The following WDFY4 variants were observed in gnomAD, a reference collection of about 807,000 sequenced individuals.
WDFY4 encodes WDFY family member 4, also known as WD repeat- and FYVE domain-containing protein 4.
Under a neutral mutation model 351.9 loss-of-function variants are expected in WDFY4, and 169 were observed. That is an observed-to-expected ratio of 0.48 (90% CI 0.42 to 0.55). The LOEUF (loss-of-function observed/expected upper bound fraction) is 0.55, where lower values mean the gene tolerates loss of function less well. WDFY4 is among the 20% of genes least tolerant of loss of function. The probability of loss-of-function intolerance (pLI) is 0.00; values close to 1 mark genes in which losing one functional copy is unlikely to be tolerated. For synonymous variants in WDFY4, 1,622 were observed against 1,574.6 expected, an observed-to-expected ratio of 1.03 and a Z score of -0.71; for missense variants, 3,803 against 3,935.6, an observed-to-expected ratio of 0.97 and a Z score of 0.90.
At chr10:48,901,654 A>T (rs1158616640) in intron 46 of WDFY4, 147 bp from the exon 47 acceptor site, 1 of 765,778 alleles carries the variant, frequency 1.3e-6, no homozygotes. Flanking sequence ...AGGTACACCC[A>T]GGCCTGGTGT....
intron 28 of WDFY4, among the ~76,000 whole-genome samples, chr10:48,810,277 TAC>T (rs1206587823): frequency 1.3e-5 from 2 of 152,242 alleles, no homozygotes; most frequent in African/African-American, 4.8e-5. Context: ...CCTATATGAA[TAC>T]ACAGTTTCCA....
At chr10:48,696,179 A>G (rs2063325513) in intron 1 of WDFY4, among the ~76,000 whole-genome samples, 1 of 152,192 alleles carries the variant, frequency 6.6e-6, no homozygotes, top group South Asian at 2.1e-4. Context: ...CCCTTGGCCC[A>G]GGTAAGAAGT....
intron 39 of WDFY4, among the ~76,000 whole-genome samples, chr10:48,859,734 T>C (rs2069268829): frequency 1.3e-5 from 2 of 152,244 alleles, no homozygotes; most frequent in African/African-American, 2.4e-5. Context: ...TTGGAAAATA[T>C]CATCTCCTAC....
At chr10:48,815,963 CCTTT>C (rs2067607569) in intron 31 of WDFY4, among the ~76,000 whole-genome samples, 1 of 151,896 alleles carries the variant, frequency 6.6e-6, no homozygotes, top group Non-Finnish European at 1.5e-5. Context: ...AGACTTCTCT[CCTTT>C]CTTTGTATTC....
intron 13 of WDFY4, among the ~76,000 whole-genome samples, chr10:48,770,524 A>G (rs923946985): frequency 3.3e-5 from 5 of 152,246 alleles, no homozygotes; most frequent in Admixed American, 6.5e-5. Flanking sequence ...GTTACCACAT[A>G]AAATAATCCA....
At chr10:48,882,533 A>G (rs1474924457) in intron 43 of WDFY4, among the ~76,000 whole-genome samples, 2 of 152,122 alleles carry the variant, frequency 1.3e-5, no homozygotes, top group African/African-American at 4.8e-5. Context: ...GGGGTAATTT[A>G]TAATGAAAAG....
At chr10:48,914,063 G>T (rs1272415891) in intron 47 of WDFY4, 6 of 1,614,142 alleles carry the variant, frequency 3.7e-6, no homozygotes, top group East Asian at 2.2e-5. Context: ...TCAAGTCAAG[G>T]CGCTTTTTCC....
intron 43 of WDFY4, among the ~76,000 whole-genome samples, chr10:48,885,758 A>G (rs1313971524): frequency 6.6e-6 from 1 of 152,268 alleles, no homozygotes; most frequent in African/African-American, 2.4e-5. Flanking sequence ...AGATAGGTAG[A>G]TAGATAGATA....
chr10:48,822,154 G>T (rs2067845660), intron 34 of WDFY4, among the ~76,000 whole-genome samples: 1 of 152,200 alleles, frequency 6.6e-6, no homozygotes, highest in Non-Finnish European at 1.5e-5. Context: ...CACCTTGCTT[G>T]CTTTCTCACC....
rs2066495185 is a variant in WDFY4 at position 48,787,892 on chromosome 10, TC to T, written c.3809-636del. Among the ~76,000 whole-genome samples, 110 of 72,324 alleles carry T rather than the reference TC, an allele frequency of 1.5e-3. 4 individuals are homozygous for T. Among genetic ancestry groups the T allele is most frequent in the East Asian group, 8.1e-3 (14 of 1,728 alleles). 47.4% of individuals were successfully genotyped at this position (72,324 alleles called of 152,430 possible). On this transcript the variant is annotated intron_variant, in intron 20 of 61. Transcript: ENST00000325239. ...CTTTCTTCTTTCTTTCTTCTTCTTC[TC>T]CTTCTTCTTCTTCTTCTTCTTCTTC...
chr10:48,864,938 A>G (rs554904768), intron 39 of WDFY4, among the ~76,000 whole-genome samples: 7 of 152,252 alleles, frequency 4.6e-5, no homozygotes, highest in African/African-American at 1.4e-4. Context: ...TGCTTAATTC[A>G]TTTATTGGTC....
At chr10:48,863,361 A>G (rs533373426) in intron 39 of WDFY4, among the ~76,000 whole-genome samples, 14 of 152,318 alleles carry the variant, frequency 9.2e-5, no homozygotes, top group Non-Finnish European at 1.9e-4. Context: ...ACTTGTTATT[A>G]TCTAAAGTTT....
At chr10:48,741,637 C>G (rs189425790) in intron 11 of WDFY4, among the ~76,000 whole-genome samples, 2 of 152,092 alleles carry the variant, frequency 1.3e-5, no homozygotes, top group African/African-American at 4.8e-5. Flanking sequence ...TATCATACTA[C>G]AGACTGTTGC....
intron 35 of WDFY4, chr10:48,824,221 C>G: frequency 1.0e-6 from 1 of 979,994 alleles, no homozygotes. Flanking sequence ...TGTGTTTGAC[C>G]CTTGCTGAAC....
intron 38 of WDFY4, among the ~76,000 whole-genome samples, chr10:48,832,116 G>A (rs2068211185): frequency 6.6e-6 from 1 of 152,206 alleles, no homozygotes; most frequent in South Asian, 2.1e-4. Flanking sequence ...CATGCACATA[G>A]AGTGGAATAA....
At chr10:48,801,166 T>C (rs1014809672) in intron 24 of WDFY4, among the ~76,000 whole-genome samples, 1 of 152,218 alleles carries the variant, frequency 6.6e-6, no homozygotes, top group Non-Finnish European at 1.5e-5. Flanking sequence ...CTTAATATAG[T>C]CCTTAGTACA....
chr10:48,812,032 A>C (rs2067464709), intron 30 of WDFY4, among the ~76,000 whole-genome samples: 1 of 152,108 alleles, frequency 6.6e-6, no homozygotes, highest in Admixed American at 6.5e-5. Flanking sequence ...CCAGCACCCC[A>C]GCCCCTCATC....
chr10:48,696,826 C>T (rs1375481092), intron 1 of WDFY4, among the ~76,000 whole-genome samples: 1 of 152,256 alleles, frequency 6.6e-6, no homozygotes, highest in Non-Finnish European at 1.5e-5. Flanking sequence ...CTAGCATGTA[C>T]TGGACACCCT....
intron 47 of WDFY4, among the ~76,000 whole-genome samples, chr10:48,923,496 G>GTATTTATATATATATATA (rs1839280373): frequency 4.7e-5 from 3 of 63,206 alleles, no homozygotes; most frequent in Non-Finnish European, 1.3e-4. Flanking sequence ...ATAGTTTTTA[G>GTATTTATATATATATATA]TATATATATA....
Sources: allele counts gnomAD v4.1 joint callset (sites outside exome capture counted in the v4.1 genomes callset), GRCh38; gene constraint gnomAD v4.1.1; transcripts MANE v1.5; gene names NCBI Gene and HGNC (gene_info 2026-07-23, HGNC 2026-07-21).